Variants in MECOM observed in about 807,000 individuals in gnomAD.
The protein encoded by MECOM is histone-lysine N-methyltransferase MECOM.
Under a neutral mutation model 116.3 loss-of-function variants are expected in MECOM, and 13 were observed. The ratio of observed to expected loss-of-function variants is 0.11; its 90% CI spans 0.07 to 0.18. MECOM has a LOEUF of 0.18. Ranked by LOEUF, MECOM falls within the 10% of genes least tolerant of loss-of-function variation. The pLI is 1.00. For missense variants in MECOM, 1,299 were observed against 1,509.0 expected, an observed-to-expected ratio of 0.86 and a Z score of 2.31; for synonymous variants, 528 against 535.2, an observed-to-expected ratio of 0.99 and a Z score of 0.19.
intron 2 of MECOM, among the ~76,000 whole-genome samples, chr3:169,338,094 G>A (rs551940876): frequency 2.4e-4 from 37 of 152,298 alleles, no homozygotes; most frequent in African/African-American, 8.7e-4. Context: ...GAGGGTGTTT[G>A]TGCTTAGCTA....
intron 1 of MECOM, among the ~76,000 whole-genome samples, chr3:169,552,891 A>T (rs761296415): frequency 6.6e-6 from 1 of 152,002 alleles, no homozygotes; most frequent in East Asian, 1.9e-4. Context: ...TAACTAAATC[A>T]TGATACAGCA....
chr3:169,524,351 A>T (rs1004045196), intron 1 of MECOM, among the ~76,000 whole-genome samples: 3 of 152,152 alleles, frequency 2.0e-5, no homozygotes, highest in Non-Finnish European at 2.9e-5. Flanking sequence ...AGATCCTCTG[A>T]CAGTTTGCAG....
At chr3:169,365,036 A>G (rs1482132583) in intron 2 of MECOM, among the ~76,000 whole-genome samples, 2 of 152,064 alleles carry the variant, frequency 1.3e-5, no homozygotes, top group South Asian at 2.1e-4. Flanking sequence ...CTTCTTGAGT[A>G]TCATCCATTG....
intron 1 of MECOM, among the ~76,000 whole-genome samples, chr3:169,389,072 G>T (rs1484691670): frequency 2.6e-5 from 4 of 152,310 alleles, no homozygotes; most frequent in African/African-American, 9.6e-5. Context: ...TGCATGTCCT[G>T]TGGCTTTTAA....
At chr3:169,097,359 T>C (rs1305963382) in intron 12 of MECOM, among the ~76,000 whole-genome samples, 1 of 151,992 alleles carries the variant, frequency 6.6e-6, no homozygotes, top group Non-Finnish European at 1.5e-5. Context: ...ATGTTCTAAA[T>C]AAAAAAATCA....
chr3:169,571,923 G>C (rs1158835073), intron 1 of MECOM, among the ~76,000 whole-genome samples: 1 of 152,164 alleles, frequency 6.6e-6, no homozygotes, highest in Non-Finnish European at 1.5e-5. Context: ...TCAGGACATA[G>C]GCATGGTCAA....
chr3:169,361,180 C>A (rs561034678), intron 2 of MECOM, among the ~76,000 whole-genome samples: 2 of 151,384 alleles, frequency 1.3e-5, no homozygotes, highest in Non-Finnish European at 2.9e-5. Flanking sequence ...CTCCACCGCA[C>A]TACAAGAACA....
At chr3:169,130,366 A>C (rs1299632015) in intron 4 of MECOM, among the ~76,000 whole-genome samples, 1 of 152,152 alleles carries the variant, frequency 6.6e-6, no homozygotes, top group Non-Finnish European at 1.5e-5. Context: ...CTTCAGGCTC[A>C]AACTCTACCA....
intron 1 of MECOM, among the ~76,000 whole-genome samples, chr3:169,592,867 C>T (rs909167377): frequency 6.6e-6 from 1 of 152,034 alleles, no homozygotes; most frequent in African/African-American, 2.4e-5. Flanking sequence ...ACTTATAAAT[C>T]TATACATGAT....
intron 16 of MECOM, chr3:169,086,380 C>G: frequency 1.7e-6 from 1 of 581,870 alleles, no homozygotes; most frequent in South Asian, 2.4e-5. Context: ...TATGTACCTA[C>G]TTTTAGAGAA....
In MECOM at chr3:169,131,538, A is replaced by G; in HGVS notation, c.511-7T>C. 2 of 1,603,794 alleles carry G rather than the reference A, an allele frequency of 1.2e-6. No homozygotes were observed. The highest frequency in any genetic ancestry group is 1.7e-6 in the Non-Finnish European group (2 of 1,173,710). The stretch of plus-strand genomic sequence containing the variant: ...CAACTACTCTATAGAATATCTTTAA[A>G]GACAAAATAAAGGTGGATGGAATCA... On this transcript the variant is annotated splice_polypyrimidine_tract_variant and splice_region_variant and intron_variant, in intron 3 of 16. Transcript: ENST00000651503.
intron 1 of MECOM, among the ~76,000 whole-genome samples, chr3:169,564,486 G>C (rs942769113): frequency 6.6e-6 from 1 of 152,090 alleles, no homozygotes; most frequent in Non-Finnish European, 1.5e-5. Flanking sequence ...AATCAAATAA[G>C]CTATAGATGT....
At chr3:169,405,320 A>AT (rs200500006) in intron 1 of MECOM, among the ~76,000 whole-genome samples, 2,058 of 152,284 alleles carry the variant, frequency 0.014, 21 homozygotes, top group Middle Eastern at 0.044. Flanking sequence ...CATAAGATAA[A>AT]GGCACAATTA....
intron 2 of MECOM, among the ~76,000 whole-genome samples, chr3:169,342,000 A>G (rs1282350506): frequency 1.3e-5 from 2 of 152,102 alleles, no homozygotes; most frequent in Non-Finnish European, 2.9e-5. Context: ...TTAAAATAAA[A>G]TGATTTTTTA....
intron 1 of MECOM, among the ~76,000 whole-genome samples, chr3:169,573,777 T>C (rs1406656145): frequency 6.6e-6 from 1 of 152,222 alleles, no homozygotes; most frequent in Non-Finnish European, 1.5e-5. Context: ...GTACCAGTTT[T>C]TCCTATGGAA....
intron 1 of MECOM, among the ~76,000 whole-genome samples, chr3:169,514,694 T>C (rs1242771820): frequency 6.6e-6 from 1 of 152,190 alleles, no homozygotes; most frequent in Non-Finnish European, 1.5e-5. Flanking sequence ...TCATTCTCCT[T>C]TCCTCAGCAC....
At chr3:169,445,197 T>C (rs993266478) in intron 1 of MECOM, among the ~76,000 whole-genome samples, 15 of 152,060 alleles carry the variant, frequency 9.9e-5, no homozygotes, top group African/African-American at 3.6e-4. Context: ...ATGGGGAAAA[T>C]GTAACCAGGC....
At chr3:169,475,964 C>G (rs559215917) in intron 1 of MECOM, among the ~76,000 whole-genome samples, 1 of 152,272 alleles carries the variant, frequency 6.6e-6, no homozygotes, top group Middle Eastern at 3.4e-3. Context: ...GATATTTGCT[C>G]TAAATATGGC....
chr3:169,502,358 C>A (rs982326429), intron 1 of MECOM, among the ~76,000 whole-genome samples: 14 of 152,052 alleles, frequency 9.2e-5, no homozygotes, highest in African/African-American at 3.4e-4. Flanking sequence ...GCTACAAGAC[C>A]TATCCTGATC....
Sources: allele counts gnomAD v4.1 joint callset (sites outside exome capture counted in the v4.1 genomes callset), GRCh38; gene constraint gnomAD v4.1.1; transcripts MANE v1.5; gene names NCBI Gene and HGNC (gene_info 2026-07-23, HGNC 2026-07-21).